ERBIN: variants seen among roughly 807,000 people sequenced by gnomAD.
The protein encoded by ERBIN is erbb2 interacting protein, also known as densin-180-like protein.
ERBIN carries 60 observed loss-of-function variants against 158.4 expected under a neutral mutation model. The ratio of observed to expected loss-of-function variants is 0.38; its 90% confidence interval spans 0.31 to 0.47. The LOEUF (loss-of-function observed/expected upper bound fraction) is 0.47. ERBIN is among the 20% of genes least tolerant of loss of function. The probability of loss-of-function intolerance (pLI) is 0.99; values close to 1 mark genes in which losing one functional copy is unlikely to be tolerated. For synonymous variants in ERBIN, 594 were observed against 557.2 expected (o/e 1.07, Z -0.93); for missense variants, 1,610 against 1,648.0 (o/e 0.98, Z 0.40).
intron 21 of ERBIN, among the ~76,000 whole-genome samples, chr5:66,067,768 T>TTA (rs973521102): frequency 6.6e-5 from 10 of 152,204 alleles, no homozygotes; most frequent in African/African-American, 2.4e-4. Flanking sequence ...ATTTTAAAAG[T>TTA]TATACTCACC....
Position 66,006,080 on chromosome 5 carries a change from G to A in ERBIN, c.308-5969G>A, listed in dbSNP as rs542009096. Among the ~76,000 whole-genome samples, 213 of 152,150 alleles carry A rather than the reference G, an allele frequency of 1.4e-3. 1 individual carries two copies. Among genetic ancestry groups the A allele is most frequent in the African/African-American group, 5.0e-3 (206 of 41,488 alleles). On this transcript the variant is annotated intron_variant, in intron 4 of 25. Transcript: ENST00000284037. Reference sequence around the variant, plus strand: ...ATGGAACCAAAAAAGAGCCCGCATCGCCAAGTCAATCCTAAGAGAAAAGAA... The same window carrying A: ...ATGGAACCAAAAAAGAGCCCGCATCACCAAGTCAATCCTAAGAGAAAAGAA...
rs977370437 is a variant in ERBIN at position 66,063,063 on chromosome 5, A to C, written c.3633+8112A>C. ...GCTGGGAGAACCACTACTCTCTTCAAAACTGTCAGACAGGGACATTTAAGT... is the reference window on the plus strand; with the variant it reads ...GCTGGGAGAACCACTACTCTCTTCACAACTGTCAGACAGGGACATTTAAGT... On this transcript the variant is annotated intron_variant, in intron 21 of 25. Transcript: ENST00000284037. Among the ~76,000 whole-genome samples, 7 of 152,304 alleles carry C rather than the reference A, an allele frequency of 4.6e-5. No homozygotes were observed. In the East Asian group the frequency reaches 1.4e-3, roughly 29 times the overall value.
chr5:65,943,403 T>C (rs1249389863), intron 1 of ERBIN, among the ~76,000 whole-genome samples: 2 of 152,234 alleles, frequency 1.3e-5, no homozygotes, highest in East Asian at 3.8e-4. Context: ...TTTAAAGTTA[T>C]CTCTTCTTTA....
intron 21 of ERBIN, among the ~76,000 whole-genome samples, chr5:66,067,775 C>T (rs530999654): frequency 1.3e-5 from 2 of 152,170 alleles, no homozygotes; most frequent in East Asian, 1.9e-4. Context: ...AAGTTATACT[C>T]ACCAAGCCTG....
chr5:65,957,609 T>G (rs1747338079), intron 1 of ERBIN, among the ~76,000 whole-genome samples: 1 of 152,352 alleles, frequency 6.6e-6, no homozygotes, highest in South Asian at 2.1e-4. Flanking sequence ...CTCCCATGTC[T>G]ACTTCTTTCC....
intron 1 of ERBIN, among the ~76,000 whole-genome samples, chr5:65,956,626 T>G (rs570926348): frequency 0.032 from 4,808 of 151,884 alleles, 127 homozygotes; most frequent in African/African-American, 0.072. Context: ...GCAGTCCACC[T>G]GCCTCAGACT....
chr5:65,946,465 A>G (rs1376728651), intron 1 of ERBIN, among the ~76,000 whole-genome samples: 2 of 152,208 alleles, frequency 1.3e-5, no homozygotes, highest in Admixed American at 6.5e-5. Flanking sequence ...GCTTATAGCT[A>G]TAATTTGTTC....
intron 1 of ERBIN, among the ~76,000 whole-genome samples, chr5:65,938,699 C>T (rs1744394997): frequency 6.6e-6 from 1 of 152,232 alleles, no homozygotes; most frequent in African/African-American, 2.4e-5. Context: ...ACTACAGGTG[C>T]ACGCCATCAT....
chr5:65,965,290 TC>T (rs1360235719), intron 1 of ERBIN, among the ~76,000 whole-genome samples: 3 of 151,910 alleles, frequency 2.0e-5, no homozygotes, highest in African/African-American at 7.2e-5. Context: ...TGGTGTTTGT[TC>T]CCACATCCAG....
rs1318489699 is a variant in ERBIN at position 65,977,317 on chromosome 5, G to A, written c.-57-11318G>A. Among the ~76,000 whole-genome samples the A allele has an allele frequency of 5.3e-5, 8 of 151,276 alleles. No individual in the cohort carries two copies. In the South Asian group the frequency reaches 6.3e-4, roughly 12 times the overall value. The stretch of plus-strand genomic sequence containing the variant: ...GGGCTGACCCCCCCACCTCCCTCCC[G>A]GACGAGGTGGCTGCCGGGCGGAGAT... On this transcript the variant is annotated intron_variant, in intron 1 of 25. Transcript: ENST00000284037.
intron 17 of ERBIN, among the ~76,000 whole-genome samples, chr5:66,044,732 T>C (rs1758248731): frequency 6.6e-6 from 1 of 151,712 alleles, no homozygotes; most frequent in African/African-American, 2.4e-5. Flanking sequence ...ACCACTGTGC[T>C]CCAGCCTGGG....
intron 21 of ERBIN, among the ~76,000 whole-genome samples, chr5:66,062,734 C>T (rs1760548724): frequency 1.3e-5 from 2 of 152,048 alleles, no homozygotes; most frequent in African/African-American, 4.8e-5. Context: ...GATGTCCTTT[C>T]TGTTTGTTAG....
chr5:65,980,469 A>G (rs987483728), intron 1 of ERBIN, among the ~76,000 whole-genome samples: 1 of 152,186 alleles, frequency 6.6e-6, no homozygotes, highest in Non-Finnish European at 1.5e-5. Context: ...ATAATGTGAT[A>G]GTTTTAAGTT....
At chr5:66,034,301 T>A (rs966891598) in intron 14 of ERBIN, among the ~76,000 whole-genome samples, 74 of 152,076 alleles carry the variant, frequency 4.9e-4, no homozygotes, top group African/African-American at 1.7e-3. Flanking sequence ...TAGCTGTTTT[T>A]TTTTTTAAGA....
intron 4 of ERBIN, among the ~76,000 whole-genome samples, chr5:66,002,796 A>T (rs1469598329): frequency 6.6e-6 from 1 of 152,226 alleles, no homozygotes; most frequent in East Asian, 1.9e-4. Context: ...TTGATGGGGA[A>T]GTTATGGTAT....
At chr5:65,963,870 A>C (rs1248870021) in intron 1 of ERBIN, among the ~76,000 whole-genome samples, 1 of 150,482 alleles carries the variant, frequency 6.6e-6, no homozygotes, top group Non-Finnish European at 1.5e-5. Context: ...ACTCACTGCA[A>C]GCTCCGCCTC....
chr5:66,033,589 G>T (rs528220119), intron 14 of ERBIN, among the ~76,000 whole-genome samples: 4 of 152,176 alleles, frequency 2.6e-5, no homozygotes, highest in Non-Finnish European at 5.9e-5. Flanking sequence ...GCTAGCTAAA[G>T]TAATTATAGA....
At chr5:66,034,711 A>G (rs770901479) in intron 14 of ERBIN, among the ~76,000 whole-genome samples, 5 of 152,188 alleles carry the variant, frequency 3.3e-5, no homozygotes, top group East Asian at 1.9e-4. Context: ...TAGTATCAGT[A>G]CACAAATATG....
chr5:65,973,928 G>A (rs185131630), intron 1 of ERBIN, among the ~76,000 whole-genome samples: 101 of 151,456 alleles, frequency 6.7e-4, no homozygotes, highest in Non-Finnish European at 1.1e-3. Context: ...AGAATCTATT[G>A]TGCTAATACA....
Sources: gnomAD v4.1 joint callset for allele counts (sites outside exome capture counted in the v4.1 genomes callset) on GRCh38, gnomAD v4.1.1 for gene constraint, MANE v1.5 for transcripts, NCBI Gene and HGNC (gene_info 2026-07-23, HGNC 2026-07-21) for gene names.